The following SPOCK3 variants were observed in gnomAD, a reference collection of about 807,000 sequenced individuals.
The protein encoded by SPOCK3 is SPARC (osteonectin), cwcv and kazal like domains proteoglycan 3.
Under a neutral mutation model 56.6 loss-of-function variants are expected in SPOCK3, and 30 were observed. The ratio of observed to expected loss-of-function variants is 0.53; its 90% CI spans 0.40 to 0.72. SPOCK3 has a LOEUF of 0.72. SPOCK3 is among the 30% of genes least tolerant of loss of function. The pLI is 0.00. For missense variants in SPOCK3, 527 were observed against 530.0 expected (o/e 0.99, Z 0.06); for synonymous variants, 196 against 183.3 (o/e 1.07, Z -0.56).
At chr4:166,824,473 A>G (rs1245244846) in intron 6 of SPOCK3, among the ~76,000 whole-genome samples, 2 of 152,050 alleles carry the variant, frequency 1.3e-5, no homozygotes, top group Non-Finnish European at 2.9e-5. Flanking sequence ...TTAATTTGCT[A>G]CTGACACATT....
At chr4:167,122,298 C>T (rs532731871) in intron 2 of SPOCK3, among the ~76,000 whole-genome samples, 16 of 152,094 alleles carry the variant, frequency 1.1e-4, no homozygotes, top group Admixed American at 2.6e-4. Context: ...CTGGGACAGG[C>T]GTGAGCCACC....
chr4:166,736,139 C>T (rs938867037), intron 10 of SPOCK3, among the ~76,000 whole-genome samples: 1 of 152,078 alleles, frequency 6.6e-6, no homozygotes, highest in East Asian at 1.9e-4. Context: ...CAAGACAACA[C>T]ACTAAAATTC....
At chr4:167,075,828 A>G (rs145640611) in intron 2 of SPOCK3, among the ~76,000 whole-genome samples, 43 of 151,938 alleles carry the variant, frequency 2.8e-4, no homozygotes, top group Non-Finnish European at 4.6e-4. Context: ...TCTATTTTGT[A>G]TGTGAATTAG....
rs969087984 is a variant in SPOCK3 at position 167,226,383 on chromosome 4, T to C, written c.189+7602A>G. ...AGCATGTCCATCATGGCTAAGAGGA[T>C]ACTGGGATAATATGGAATTTGGAAG... On this transcript the variant is annotated intron_variant, in intron 2 of 10. Coordinates refer to ENST00000357545, the MANE Select transcript of SPOCK3 (RefSeq NM_001040159.2). 3.9e-5 allele frequency among the ~76,000 whole-genome samples: 6 copies of C among 152,216 alleles called. No individual in the cohort carries two copies. The East Asian group carries it at 7.7e-4, about 20-fold the overall frequency.
chr4:166,927,399 C>T (rs1179211065), intron 4 of SPOCK3, among the ~76,000 whole-genome samples: 1 of 152,186 alleles, frequency 6.6e-6, no homozygotes, highest in East Asian at 1.9e-4. Context: ...TTCTCTCTTG[C>T]TGCCACCACG....
chr4:166,838,588 T>C (rs1746876856), intron 6 of SPOCK3, among the ~76,000 whole-genome samples: 1 of 151,038 alleles, frequency 6.6e-6, no homozygotes, highest in Non-Finnish European at 1.5e-5. Context: ...TGCTGGGACT[T>C]TAGAAAAACT....
chr4:166,848,888 T>TA (rs1748379988), intron 6 of SPOCK3, among the ~76,000 whole-genome samples: 1 of 152,236 alleles, frequency 6.6e-6, no homozygotes, highest in African/African-American at 2.4e-5. Context: ...TAATTTTGTT[T>TA]ACTACTTTAT....
chr4:166,925,483 T>A (rs964285975), intron 4 of SPOCK3, among the ~76,000 whole-genome samples: 2 of 152,146 alleles, frequency 1.3e-5, no homozygotes, highest in African/African-American at 4.8e-5. Flanking sequence ...ATTTATATTG[T>A]GTGATACCAT....
chr4:167,174,669 TTGAAA>T (rs1463051933), intron 2 of SPOCK3, among the ~76,000 whole-genome samples: 1 of 152,136 alleles, frequency 6.6e-6, no homozygotes, highest in Admixed American at 6.6e-5. Flanking sequence ...ATAGGACATC[TTGAAA>T]GGTGGCTAAA....
chr4:166,821,217 C>T (rs1744904078), intron 6 of SPOCK3, among the ~76,000 whole-genome samples: 1 of 151,888 alleles, frequency 6.6e-6, no homozygotes. Context: ...TGGAAAGATG[C>T]TCAACATCAT....
intron 6 of SPOCK3, among the ~76,000 whole-genome samples, chr4:166,816,414 G>T (rs572925129): frequency 6.6e-6 from 1 of 152,114 alleles, no homozygotes. Flanking sequence ...TGCCAAAATT[G>T]ATTCTTATGT....
chr4:167,071,433 C>T (rs1047496990), intron 2 of SPOCK3, among the ~76,000 whole-genome samples: 2 of 151,600 alleles, frequency 1.3e-5, no homozygotes, highest in Admixed American at 6.6e-5. Flanking sequence ...ATGTTCCCCA[C>T]CCTGTGTTCA....
intron 6 of SPOCK3, among the ~76,000 whole-genome samples, chr4:166,835,592 T>A (rs1195912882): frequency 6.6e-6 from 1 of 152,170 alleles, no homozygotes; most frequent in Non-Finnish European, 1.5e-5. Context: ...TCTTGTATGT[T>A]GTTCTGTATT....
intron 8 of SPOCK3, 25 bp downstream of exon 8, chr4:166,754,483 C>A: frequency 6.3e-7 from 1 of 1,590,410 alleles, no homozygotes; most frequent in Non-Finnish European, 8.6e-7. Flanking sequence ...CAACTATTTG[C>A]GTCTGTAAGG....
At chr4:166,857,363 A>G (rs1002836942) in intron 6 of SPOCK3, among the ~76,000 whole-genome samples, 3 of 152,120 alleles carry the variant, frequency 2.0e-5, no homozygotes, top group African/African-American at 7.2e-5. Context: ...CCTGTACCAA[A>G]TGGGGGACAC....
intron 4 of SPOCK3, among the ~76,000 whole-genome samples, chr4:166,961,688 A>G (rs1168298003): frequency 6.6e-6 from 1 of 152,142 alleles, no homozygotes; most frequent in African/African-American, 2.4e-5. Flanking sequence ...AGTCTTTCAA[A>G]ACCTTCCAAA....
At chr4:166,863,788 GT>G (rs1189267345) in intron 6 of SPOCK3, among the ~76,000 whole-genome samples, 2 of 152,144 alleles carry the variant, frequency 1.3e-5, no homozygotes, top group African/African-American at 4.8e-5. Context: ...CATAAAGCAA[GT>G]TCTTAGAGAC....
chr4:167,013,489 A>T (rs1360132948), intron 3 of SPOCK3, among the ~76,000 whole-genome samples: 3 of 151,112 alleles, frequency 2.0e-5, no homozygotes, highest in Non-Finnish European at 4.4e-5. Context: ...CATATATGTT[A>T]AATACAGTGA....
chr4:166,754,268 T>C (rs1736778954), intron 8 of SPOCK3: 2 of 1,225,120 alleles, frequency 1.6e-6, no homozygotes, highest in Non-Finnish European at 2.0e-6. Context: ...ATGGAAACTA[T>C]AATGTAGTGG....
Sources: gnomAD v4.1 joint callset for allele counts (sites outside exome capture counted in the v4.1 genomes callset) on GRCh38, gnomAD v4.1.1 for gene constraint, MANE v1.5 for transcripts, NCBI Gene and HGNC (gene_info 2026-07-23, HGNC 2026-07-21) for gene names.